The following ITPR1 variants were observed in gnomAD, a reference collection of about 807,000 sequenced individuals.
The protein encoded by ITPR1 is inositol 1,4,5-trisphosphate receptor type 1.
Under a neutral mutation model 318.4 loss-of-function variants are expected in ITPR1, and 96 were observed. The ratio of observed to expected loss-of-function variants is 0.30; its 90% CI spans 0.26 to 0.36. ITPR1 has a LOEUF of 0.36. ITPR1 is among the 10% of genes least tolerant of loss of function. The pLI is 1.00. For missense variants in ITPR1, 2,440 were observed against 3,460.2 expected (o/e 0.71, Z 7.40); for synonymous variants, 1,312 against 1,289.9 (o/e 1.02, Z -0.37).
chr3:4,666,698 T>G (rs1248572066), intron 17 of ITPR1, among the ~76,000 whole-genome samples: 1 of 152,180 alleles, frequency 6.6e-6, no homozygotes, highest in African/African-American at 2.4e-5. Flanking sequence ...CCACTTGAAT[T>G]TTGAGCAAGC....
intron 61 of ITPR1, among the ~76,000 whole-genome samples, chr3:4,844,136 T>TTTG (rs1243842691): frequency 2.0e-5 from 3 of 151,278 alleles, no homozygotes; most frequent in Non-Finnish European, 3.0e-5. Flanking sequence ...TTTTTTTTTT[T>TTTG]TTTTCCAAGA....
In ITPR1 at chr3:4,665,122, T is replaced by C; in HGVS notation, c.1555-16T>C. 2 of 1,613,990 alleles carry C rather than the reference T, an allele frequency of 1.2e-6. No individual in the cohort carries two copies. Among genetic ancestry groups the C allele is most frequent in the South Asian group, 1.1e-5 (1 of 91,088 alleles). Reference sequence around the variant, plus strand: ...CCTAAGTGATTGCCATTTTTGCTTTTCATTTTCACAAACAGATCTTCAAGT... The same window carrying C: ...CCTAAGTGATTGCCATTTTTGCTTTCCATTTTCACAAACAGATCTTCAAGT... On this transcript the variant is annotated splice_polypyrimidine_tract_variant and intron_variant, in intron 16 of 61. Transcript: ENST00000649015.
intron 60 of ITPR1, among the ~76,000 whole-genome samples, chr3:4,835,471 A>C (rs190507214): frequency 9.1e-4 from 138 of 152,276 alleles, no homozygotes; most frequent in Middle Eastern, 6.8e-3. Context: ...TGTGACAGAG[A>C]CCAGGTGGCC....
intron 10 of ITPR1, among the ~76,000 whole-genome samples, chr3:4,646,407 T>A (rs1445509715): frequency 6.6e-6 from 1 of 152,188 alleles, no homozygotes; most frequent in Non-Finnish European, 1.5e-5. Context: ...GGTTACTTCA[T>A]GTAAGAGAAT....
At chr3:4,567,536 C>T (rs111704353) in intron 4 of ITPR1, among the ~76,000 whole-genome samples, 1,689 of 152,156 alleles carry the variant, frequency 0.011, 23 homozygotes, top group Non-Finnish European at 0.018. Flanking sequence ...CAGTCAACCA[C>T]GTGCGGTGGG....
At position 4,806,343 on chromosome 3, in the gene ITPR1, AC is replaced by A. The variant is rs531192464; in HGVS notation, c.7272+79del. On this transcript the variant is annotated intron_variant, in intron 55 of 61. Transcript: ENST00000649015. The stretch of plus-strand genomic sequence containing the variant: ...TCCTATGTCCTCTCTCTCATCACAG[AC>A]CCTTCCTTTTAATGGTGATTGGTGT... 3.6e-5 allele frequency: 50 copies of A among 1,390,960 alleles called. No homozygotes were observed. In the African/African-American group the frequency reaches 7.0e-4, roughly 19 times the overall value. 86.2% of individuals were successfully genotyped at this position (1,390,960 alleles called of 1,614,324 possible). A position where few individuals can be genotyped will look rare whatever the true frequency, so the allele number is the denominator to read the frequency against.
At chr3:4,831,069 C>A in intron 60 of ITPR1, 1 of 455,698 alleles carries the variant, frequency 2.2e-6, no homozygotes, top group African/African-American at 2.0e-5. Flanking sequence ...GCATTTGCAT[C>A]ATACAATCCA....
intron 34 of ITPR1, 113 bp downstream of exon 34, chr3:4,697,385 T>C (rs914375459): frequency 1.5e-5 from 16 of 1,042,780 alleles, no homozygotes; most frequent in Non-Finnish European, 2.0e-5. Flanking sequence ...AGAAAACAGC[T>C]GCATCATTTC....
chr3:4,732,300 A>G (rs2042980536), intron 42 of ITPR1, among the ~76,000 whole-genome samples: 2 of 152,228 alleles, frequency 1.3e-5, no homozygotes, highest in Non-Finnish European at 2.9e-5. Flanking sequence ...ATTTTATTAC[A>G]GAAAGGTTGA....
chr3:4,545,308 A>C (rs139902692), intron 4 of ITPR1, among the ~76,000 whole-genome samples: 1 of 152,106 alleles, frequency 6.6e-6, no homozygotes, highest in Non-Finnish European at 1.5e-5. Context: ...ATACTTGTAT[A>C]TGGAGGCTGC....
At chr3:4,694,158 T>C (rs1225888273) in intron 33 of ITPR1, among the ~76,000 whole-genome samples, 1 of 151,626 alleles carries the variant, frequency 6.6e-6, no homozygotes. Flanking sequence ...TTATAAAAAA[T>C]TTAGGAACTA....
intron 58 of ITPR1, 38 bp downstream of exon 58, chr3:4,814,600 C>A: frequency 5.9e-6 from 3 of 512,424 alleles, no homozygotes; most frequent in Non-Finnish European, 9.4e-6. Context: ...GCAAAGGGGG[C>A]GGGTGGGGTG....
At chr3:4,790,567 C>T (rs2047491972) in intron 52 of ITPR1, among the ~76,000 whole-genome samples, 1 of 152,182 alleles carries the variant, frequency 6.6e-6, no homozygotes, top group Non-Finnish European at 1.5e-5. Context: ...GAGAAATGTA[C>T]TCATCGGAAA....
intron 4 of ITPR1, among the ~76,000 whole-genome samples, chr3:4,611,540 A>G (rs1057131683): frequency 6.9e-5 from 10 of 143,940 alleles, no homozygotes; most frequent in Non-Finnish European, 1.2e-4. Context: ...AGCCTGGGTG[A>G]CAGAGCGAGA....
intron 31 of ITPR1, among the ~76,000 whole-genome samples, chr3:4,690,870 TG>T (rs2094469703): frequency 6.6e-6 from 1 of 152,246 alleles, no homozygotes; most frequent in African/African-American, 2.4e-5. Context: ...AGACCTGTTT[TG>T]TTTCTTGATC....
chr3:4,748,063 G>A (rs1271256790), intron 44 of ITPR1, among the ~76,000 whole-genome samples: 9 of 152,238 alleles, frequency 5.9e-5, no homozygotes, highest in Admixed American at 2.6e-4. Flanking sequence ...AGCACTGTGC[G>A]TGGAGCCAGT....
chr3:4,775,509 A>G (rs1451569323), intron 47 of ITPR1, 67 bp downstream of exon 47: 1 of 1,241,586 alleles, frequency 8.1e-7, no homozygotes, highest in Non-Finnish European at 1.2e-6. Flanking sequence ...GATAGAGACT[A>G]GTTCAGAAAT....
chr3:4,609,001 TAAAAAAAAAAA>T (rs56738231), intron 4 of ITPR1, among the ~76,000 whole-genome samples: 5 of 53,424 alleles, frequency 9.4e-5, no homozygotes, highest in Non-Finnish European at 1.9e-4. Context: ...ACTCCGTCTT[TAAAAAAAAAAA>T]AAAAAAAAAA....
chr3:4,627,619 G>T (rs1230774324), intron 4 of ITPR1, 144 bp from the exon 5 acceptor site: 1 of 539,540 alleles, frequency 1.9e-6, no homozygotes, highest in Non-Finnish European at 3.3e-6. Flanking sequence ...AAAGAGATTT[G>T]TCAAAGAGCT....
Sources: gnomAD v4.1 joint callset for allele counts (sites outside exome capture counted in the v4.1 genomes callset) on GRCh38, gnomAD v4.1.1 for gene constraint, MANE v1.5 for transcripts, NCBI Gene and HGNC (gene_info 2026-07-23, HGNC 2026-07-21) for gene names.